The following ATP11A variants were observed in gnomAD, a reference collection of about 807,000 sequenced individuals.
ATP11A encodes the protein phospholipid-transporting ATPase IH.
Under a neutral mutation model 154.4 loss-of-function variants are expected in ATP11A, and 81 were observed. The observed-to-expected ratio is 0.52, with a 90% CI of 0.44 to 0.63. The LOEUF is 0.63. Among genes scored for constraint, ATP11A ranks in the 30% least tolerant of loss-of-function variants. The probability of loss-of-function intolerance (pLI) is 0.00; values close to 1 mark genes in which losing one functional copy is unlikely to be tolerated. For synonymous variants in ATP11A, 623 were observed against 585.9 expected (o/e 1.06, Z -0.91); for missense variants, 1,316 against 1,474.3 (o/e 0.89, Z 1.76).
intron 1 of ATP11A, among the ~76,000 whole-genome samples, chr13:112,715,012 G>A (rs1732485903): frequency 6.6e-6 from 1 of 152,118 alleles, no homozygotes; most frequent in African/African-American, 2.4e-5. Context: ...TCAAATGAGT[G>A]ACTCACACAG....
chr13:112,807,563 G>T lies in ATP11A; in HGVS notation c.333+1270G>T, dbSNP rs992472792. Among the ~76,000 whole-genome samples, 10 of 152,172 alleles carry T rather than the reference G, an allele frequency of 6.6e-5. No homozygotes were observed. Among genetic ancestry groups the T allele is most frequent in the African/African-American group, 2.4e-4 (10 of 41,450 alleles). On this transcript the variant is annotated intron_variant, in intron 4 of 29. Transcript: ENST00000375645. The surrounding 1 kb of genome is among the most constrained non-coding windows in gnomAD (Gnocchi z 4.5). ...CTCAGGCAGTTTAACTCCTACCTGGGATAAGGCCTCACTTCATGTCGGTGG... is the reference window on the plus strand; with the variant it reads ...CTCAGGCAGTTTAACTCCTACCTGGTATAAGGCCTCACTTCATGTCGGTGG...
intron 4 of ATP11A, among the ~76,000 whole-genome samples, chr13:112,808,842 C>T (rs1333250680): frequency 6.6e-6 from 1 of 152,190 alleles, no homozygotes; most frequent in East Asian, 1.9e-4. Context: ...AGGGCCCCTC[C>T]GATCAGCCCA....
chr13:112,844,031 T>C (rs1025348228), intron 17 of ATP11A, among the ~76,000 whole-genome samples: 2 of 152,180 alleles, frequency 1.3e-5, no homozygotes, highest in African/African-American at 4.8e-5. Context: ...CGTCCTGCGC[T>C]TCGACACACA....
intron 1 of ATP11A, among the ~76,000 whole-genome samples, chr13:112,729,623 G>T (rs1008009308): frequency 1.3e-5 from 2 of 152,242 alleles, no homozygotes; most frequent in African/African-American, 4.8e-5. Context: ...CCTCGGCATT[G>T]CGGACCTGGA....
rs1298057758 is a variant in ATP11A, at chr13:112,882,554, TCTGGGAGTGGTTTCC to T, written c.*692_*706del. Reference sequence around the variant, plus strand: ...CGGATGCACCGCCGTACCCTGCTCATCTGGGAGTGGTTTCCCTGCGGTTACGTCCAAGCCCGCCTG... The same window carrying T: ...CGGATGCACCGCCGTACCCTGCTCATCTGCGGTTACGTCCAAGCCCGCCTG... On this transcript the variant is annotated 3_prime_UTR_variant, in exon 30 of 30. Coordinates refer to ENST00000375645, the MANE Select transcript of ATP11A (RefSeq NM_015205.3). The surrounding 1 kb of genome is among the most constrained non-coding windows in gnomAD (Gnocchi z 5.1). The T allele has an allele frequency of 2.4e-6, 1 of 414,284 alleles. No homozygotes were observed. Among genetic ancestry groups the T allele is most frequent in the African/African-American group, 2.0e-5 (1 of 49,060 alleles). The allele number at this position is 414,284 out of a possible 1,614,324, so 25.7% of individuals were successfully genotyped here. A position where few individuals can be genotyped will look rare whatever the true frequency, so the allele number is the denominator to read the frequency against.
intron 2 of ATP11A, among the ~76,000 whole-genome samples, chr13:112,792,552 G>A (rs2077888544): frequency 1.3e-5 from 2 of 152,200 alleles, no homozygotes; most frequent in Admixed American, 1.3e-4. Context: ...GGAAGAAGTC[G>A]TAATAGAGGA....
intron 3 of ATP11A, 74 bp from the exon 4 acceptor site, chr13:112,806,139 C>T: frequency 8.7e-7 from 1 of 1,143,132 alleles, no homozygotes. Flanking sequence ...AGTGCTGGCT[C>T]AGGGCAAACT....
intron 26 of ATP11A, 176 bp from the exon 27 acceptor site, chr13:112,873,397 C>G (rs61961613): frequency 6.6e-6 from 3 of 456,076 alleles, no homozygotes; most frequent in Admixed American, 4.8e-5. Context: ...TCTTCCTGAG[C>G]GGTGTGAGGT....
intron 2 of ATP11A, among the ~76,000 whole-genome samples, chr13:112,786,801 A>G (rs117818593): frequency 4.7e-4 from 72 of 152,376 alleles, no homozygotes; most frequent in Admixed American, 2.9e-3. Flanking sequence ...CCTCACCTGT[A>G]GACGCATTTA....
At chr13:112,881,479 G>C (rs2080882758) in intron 29 of ATP11A, 1 of 1,099,900 alleles carries the variant, frequency 9.1e-7, no homozygotes, top group African/African-American at 1.6e-5. Flanking sequence ...CAGGAAGCCA[G>C]CTACAGGGAG....
At chr13:112,840,092 GCTCA>G (rs2079353606) in intron 16 of ATP11A, among the ~76,000 whole-genome samples, 1 of 144,912 alleles carries the variant, frequency 6.9e-6, no homozygotes, top group Non-Finnish European at 1.5e-5. Context: ...GCCTCAGCCT[GCTCA>G]CTCCCGTGCC....
At chr13:112,881,683 G>A in intron 29 of ATP11A, 193 bp from the exon 30 acceptor site, 2 of 1,252,640 alleles carry the variant, frequency 1.6e-6, no homozygotes, top group Non-Finnish European at 2.1e-6. Context: ...CAGGACGAGG[G>A]TGTGTCCTGA....
Position 112,859,932 on chromosome 13 carries a change from T to C in ATP11A, c.2728-355T>C, listed in dbSNP as rs2080052628. On this transcript the variant is annotated intron_variant, in intron 23 of 29. Coordinates refer to ENST00000375645, the MANE Select transcript of ATP11A (RefSeq NM_015205.3). This position sits in a 1 kb window ranked among gnomAD's most constrained non-coding sequence, Gnocchi z 4.3. Reference sequence around the variant, plus strand: ...TGGACACCTCCTTCTGTCACATGTGTGCTCAGTGGTTGGCGGGCCAGCTGC... The same window carrying C: ...TGGACACCTCCTTCTGTCACATGTGCGCTCAGTGGTTGGCGGGCCAGCTGC... 6.6e-6 allele frequency among the ~76,000 whole-genome samples: 1 copy of C among 152,208 alleles called. No individual in the cohort carries two copies. Among genetic ancestry groups the C allele is most frequent in the Admixed American group, 6.5e-5 (1 of 15,284 alleles).
chr13:112,796,275 G>A (rs2077996491), intron 2 of ATP11A, among the ~76,000 whole-genome samples: 1 of 152,182 alleles, frequency 6.6e-6, no homozygotes, highest in South Asian at 2.1e-4. Flanking sequence ...CAGAAGGATG[G>A]CCTCCCACAG....
At chr13:112,826,957 C>A in intron 12 of ATP11A, 66 bp downstream of exon 12, 2 of 1,542,214 alleles carry the variant, frequency 1.3e-6, no homozygotes, top group Non-Finnish European at 1.8e-6. Flanking sequence ...TCACGTTCCT[C>A]AGGTCCTGTG....
Position 112,690,344 on chromosome 13 carries a change from C to A in ATP11A, c.-73C>A. ...AGCGGGGGGCGCGGCCGCACTAGTA[C>A]CCCGGAGCCCATGGGCGCGCCGAGC... On this transcript the variant is annotated 5_prime_UTR_variant, in exon 1 of 30. Coordinates refer to ENST00000375645, the MANE Select transcript of ATP11A (RefSeq NM_015205.3). The surrounding 1 kb of genome is among the most constrained non-coding windows in gnomAD (Gnocchi z 5.6). 2 of 1,168,878 alleles carry A rather than the reference C, an allele frequency of 1.7e-6. No individual in the cohort carries two copies. Among genetic ancestry groups the A allele is most frequent in the Non-Finnish European group, 2.1e-6 (2 of 935,638 alleles). The allele number at this position is 1,168,878 out of a possible 1,614,324, so 72.4% of individuals were successfully genotyped here.
chr13:112,736,947 A>T (rs1382479074), intron 1 of ATP11A, among the ~76,000 whole-genome samples: 1 of 152,212 alleles, frequency 6.6e-6, no homozygotes, highest in African/African-American at 2.4e-5. Flanking sequence ...GTGGGAACCC[A>T]TATGTGCCTC....
chr13:112,730,046 T>C (rs932018289), intron 1 of ATP11A, among the ~76,000 whole-genome samples: 2 of 152,204 alleles, frequency 1.3e-5, no homozygotes, highest in South Asian at 4.1e-4. Context: ...TCTGTGTCCA[T>C]GCTAAGTGCA....
chr13:112,802,207 G>T (rs570650961), intron 2 of ATP11A, among the ~76,000 whole-genome samples: 4 of 152,194 alleles, frequency 2.6e-5, no homozygotes, highest in Non-Finnish European at 4.4e-5. Context: ...TTAGCCGGGC[G>T]TGGTGGTGGG....
Sources: gnomAD v4.1 joint callset for allele counts (sites outside exome capture counted in the v4.1 genomes callset) on GRCh38, gnomAD v4.1.1 for gene constraint, Gnocchi (gnomAD v3.1) non-coding constraint, MANE v1.5 for transcripts, NCBI Gene and HGNC (gene_info 2026-07-23, HGNC 2026-07-21) for gene names.